CDH23: variants seen among roughly 807,000 people sequenced by gnomAD.
CDH23 encodes cadherin related 23, also known as cadherin-23.
CDH23 carries 189 observed loss-of-function variants against 317.1 expected under a neutral mutation model. That is an observed-to-expected ratio of 0.60 (90% CI 0.53 to 0.67). The LOEUF is 0.67. Among genes scored for constraint, CDH23 ranks in the 30% least tolerant of loss-of-function variants. The pLI, the probability that CDH23 is intolerant of heterozygous loss-of-function variation, is 0.00. For missense variants in CDH23, 4,401 were observed against 4,592.4 expected, an observed-to-expected ratio of 0.96 and a Z score of 1.20; for synonymous variants, 1,839 against 1,876.8, an observed-to-expected ratio of 0.98 and a Z score of 0.52.
At position 71,779,443 on chromosome 10, in the gene CDH23, T is replaced by A. The variant is rs2132930064; in HGVS notation, c.5364T>A (p.Pro1788=). The A allele has an allele frequency of 3.7e-6, 6 of 1,600,034 alleles. No homozygotes were observed. The highest frequency in any genetic ancestry group is 3.4e-6 in the Non-Finnish European group (4 of 1,169,002). Residue 1788 remains proline (P), a synonymous_variant, in exon 41 of 70, where the codon CCT becomes CCA. Transcript: ENST00000224721. ...AGTACAGCATCATGGATGGAGACCC[T>A]CTGGGTGAGTGGGGCTTGGGGCATG... ...QVEYSIMDGD[P]LGEFVISPVE...
intron 14 of CDH23, among the ~76,000 whole-genome samples, chr10:71,648,340 GA>G (rs1459127457): frequency 6.6e-6 from 1 of 152,202 alleles, no homozygotes; most frequent in Non-Finnish European, 1.5e-5. Flanking sequence ...ATCCCCCTTC[GA>G]AGGACTGGGT....
At chr10:71,702,343 C>A in intron 23 of CDH23, 132 bp downstream of exon 23, 1 of 1,167,022 alleles carries the variant, frequency 8.6e-7, no homozygotes, top group Non-Finnish European at 1.2e-6. Context: ...GTAATACCCA[C>A]GCCCCAGTTG....
Position 71,463,560 on chromosome 10 carries a change from T to A in CDH23, c.145+17165T>A, listed in dbSNP as rs530119339. Reference sequence around the variant, plus strand: ...CCCACAGCGCTGGGAGAGGGAGTGCTCAGCAGGGATCGCTGAAGGGAGGGT... The same window carrying A: ...CCCACAGCGCTGGGAGAGGGAGTGCACAGCAGGGATCGCTGAAGGGAGGGT... On this transcript the variant is annotated intron_variant, in intron 3 of 69. Transcript: ENST00000224721. Among the ~76,000 whole-genome samples, 16 of 152,318 alleles carry A rather than the reference T, an allele frequency of 1.1e-4. No homozygotes were observed. The East Asian group carries it at 2.7e-3, about 26-fold the overall frequency.
chr10:71,538,548 A>ATATTTT (rs1345310849), intron 6 of CDH23, among the ~76,000 whole-genome samples: 2 of 152,066 alleles, frequency 1.3e-5, no homozygotes, highest in African/African-American at 4.8e-5. Flanking sequence ...CATGTCCAAC[A>ATATTTT]TATTTTTTTT....
intron 20 of CDH23, among the ~76,000 whole-genome samples, chr10:71,693,085 G>A (rs1376975800): frequency 6.6e-6 from 1 of 152,240 alleles, no homozygotes; most frequent in Non-Finnish European, 1.5e-5. Flanking sequence ...CCACGTGGGT[G>A]CTCTCCCATG....
intron 9 of CDH23, among the ~76,000 whole-genome samples, chr10:71,600,612 G>A (rs1288637195): frequency 2.0e-5 from 3 of 151,464 alleles, no homozygotes; most frequent in Non-Finnish European, 1.5e-5. Flanking sequence ...TGCCTCCCGG[G>A]TTCAAGCGAT....
chr10:71,605,075 C>G (rs1377794877), intron 9 of CDH23, among the ~76,000 whole-genome samples: 3 of 152,220 alleles, frequency 2.0e-5, no homozygotes, highest in Non-Finnish European at 4.4e-5. Context: ...CACACACCAT[C>G]AAACACTGGG....
In CDH23 at chr10:71,803,012, G is replaced by T; in HGVS notation, c.7597G>T (p.Ala2533Ser). Reference protein sequence around the residue: ...PAGTSVITMMATDQDEGPNGE... With the variant: ...PAGTSVITMMSTDQDEGPNGE... ...GGGCACCTCGGTCATCACCATGATG[G>T]CCACTGACCAGGATGAAGGTCCCAA... The change falls in exon 54 of 70, where the codon GCC becomes TCC. Residue 2533 changes from alanine (A) to serine (S), a missense_variant. Around this residue, in one of 3 missense-constraint regions of CDH23, gnomAD observed 189 missense variants for 250.9 expected, o/e 0.75. Transcript: ENST00000224721. 1 of 1,613,990 alleles carries T rather than the reference G, an allele frequency of 6.2e-7. No homozygotes were observed. The highest frequency in any genetic ancestry group is 8.5e-7 in the Non-Finnish European group (1 of 1,179,886).
chr10:71,731,849 G>C, intron 31 of CDH23, 138 bp from the exon 32 acceptor site: 1 of 819,048 alleles, frequency 1.2e-6, no homozygotes, highest in Non-Finnish European at 1.9e-6. Flanking sequence ...CATCTCTGAG[G>C]ATGATCCTGC....
intron 1 of CDH23, among the ~76,000 whole-genome samples, chr10:71,418,075 ATCAT>A (rs1185366008): frequency 1.2e-4 from 18 of 152,204 alleles, no homozygotes; most frequent in African/African-American, 4.3e-4. Flanking sequence ...CCTTGGTGAC[ATCAT>A]TCATCTTTTT....
chr10:71,807,052 C>G (rs567705895), intron 57 of CDH23, among the ~76,000 whole-genome samples: 1 of 152,332 alleles, frequency 6.6e-6, no homozygotes, highest in African/African-American at 2.4e-5. Context: ...GCTTCTCTCA[C>G]TTAAGCACTC....
At chr10:71,483,041 G>C (rs1852153236) in intron 3 of CDH23, among the ~76,000 whole-genome samples, 2 of 152,252 alleles carry the variant, frequency 1.3e-5, no homozygotes, top group Non-Finnish European at 2.9e-5. Context: ...TTTTGCAGAA[G>C]ATACAAAAAT....
intron 3 of CDH23, among the ~76,000 whole-genome samples, chr10:71,504,633 C>G (rs1853532680): frequency 6.6e-6 from 1 of 152,170 alleles, no homozygotes; most frequent in African/African-American, 2.4e-5. Context: ...TGCCCCTTCC[C>G]CATGAGGGTA....
intron 14 of CDH23, among the ~76,000 whole-genome samples, chr10:71,656,318 A>G (rs1040746817): frequency 2.0e-5 from 3 of 152,218 alleles, no homozygotes; most frequent in Non-Finnish European, 4.4e-5. Context: ...ACTTCTGGGC[A>G]GGGCCAGGTG....
chr10:71,693,813 TGACTGAGCTTAAGGCCTAATGGCCCTCC>T (rs1328892738), intron 20 of CDH23, among the ~76,000 whole-genome samples: 2 of 152,340 alleles, frequency 1.3e-5, no homozygotes, highest in East Asian at 3.9e-4. Flanking sequence ...AGGTGATCTG[TGACTGAGCTTAAGGCCTAATGGCCCTCC>T]TGCCCTGTTC....
At chr10:71,441,399 C>T (rs942857920) in intron 2 of CDH23, among the ~76,000 whole-genome samples, 2 of 152,126 alleles carry the variant, frequency 1.3e-5, no homozygotes, top group Non-Finnish European at 2.9e-5. Flanking sequence ...CCATTCTGTT[C>T]CACTCACTTT....
chr10:71,472,809 C>A (rs74145001), intron 3 of CDH23, among the ~76,000 whole-genome samples: 11,263 of 152,244 alleles, frequency 0.074, 807 homozygotes, highest in African/African-American at 0.18. Flanking sequence ...GTGGTAGACT[C>A]CAGTGTGGTC....
intron 1 of CDH23, among the ~76,000 whole-genome samples, chr10:71,427,195 GAGAAAGAAAGAAAGAAAGAA>G: frequency 1.0e-5 from 1 of 98,934 alleles, no homozygotes; most frequent in East Asian, 3.1e-4. Flanking sequence ...AGGAAGGAAA[GAGAAAGAAAGAAAGAAAGAA>G]AGAAAGAAAG....
chr10:71,605,047 C>T (rs1230783465), intron 9 of CDH23, among the ~76,000 whole-genome samples: 3 of 152,134 alleles, frequency 2.0e-5, no homozygotes, highest in African/African-American at 4.8e-5. Context: ...CATCTAGCAC[C>T]AACTTGGAAC....
Sources: allele counts gnomAD v4.1 joint callset (sites outside exome capture counted in the v4.1 genomes callset), GRCh38; gene constraint gnomAD v4.1.1; regional missense constraint gnomAD v4.1.1; transcripts MANE v1.5; gene names NCBI Gene and HGNC (gene_info 2026-07-23, HGNC 2026-07-21).